MAPK12: variants seen among roughly 807,000 people sequenced by gnomAD.
MAPK12 encodes the protein mitogen-activated protein kinase 12.
In MAPK12, 49 loss-of-function variants were observed where a neutral mutation model predicts 49.1. The ratio of observed to expected loss-of-function variants is 1.00; its 90% CI spans 0.79 to 1.27. The LOEUF is 1.27. Among genes scored for constraint, MAPK12 ranks in the 50% most tolerant of loss-of-function variants. MAPK12 has a pLI of 0.00. For missense variants in MAPK12, 554 were observed against 502.4 expected (o/e 1.10, Z -0.98); for synonymous variants, 251 against 209.7 (o/e 1.20, Z -1.70).
chr22:50,254,961 C>T (rs1248598540), intron 11 of MAPK12: 21 of 1,412,790 alleles, frequency 1.5e-5, no homozygotes, highest in Non-Finnish European at 1.9e-5. Flanking sequence ...CGGCCCCATG[C>T]TGCCCTGACC....
intron 2 of MAPK12, among the ~76,000 whole-genome samples, chr22:50,258,643 C>T (rs538770359): frequency 1.3e-5 from 2 of 152,386 alleles, no homozygotes; most frequent in South Asian, 2.1e-4. Context: ...TTCACCCCAA[C>T]CAAACAGATC....
At chr22:50,261,133 C>A in intron 2 of MAPK12, 34 bp downstream of exon 2, 1 of 1,543,958 alleles carries the variant, frequency 6.5e-7, no homozygotes, top group Non-Finnish European at 8.8e-7. Flanking sequence ...GCCGAGGCCG[C>A]GGCGCCTTCC....
chr22:50,258,161 T>A, intron 3 of MAPK12, 82 bp downstream of exon 3: 1 of 1,352,318 alleles, frequency 7.4e-7, no homozygotes, highest in Non-Finnish European at 1.1e-6. Flanking sequence ...GAGAACCCCA[T>A]TGCCAACCTA....
At chr22:50,260,927 C>G in intron 2 of MAPK12, 1 of 392,896 alleles carries the variant, frequency 2.5e-6, no homozygotes, top group African/African-American at 2.1e-5. Context: ...GGCTGAGGCG[C>G]CGAGTCAAGG....
At chr22:50,256,274 C>A in intron 6 of MAPK12, 75 bp from the exon 7 acceptor site, 1 of 1,176,008 alleles carries the variant, frequency 8.5e-7, no homozygotes, top group East Asian at 2.4e-5. Flanking sequence ...TCCAGGAGAC[C>A]CCGGGGGGTT....
chr22:50,257,494 G>A (rs1434918669), intron 3 of MAPK12: 10 of 522,666 alleles, frequency 1.9e-5, no homozygotes, highest in African/African-American at 1.9e-5. Context: ...AGCGCCCTGC[G>A]TGCCAGGCTA....
intron 5 of MAPK12, 89 bp downstream of exon 5, chr22:50,256,846 G>A (rs1468076256): frequency 1.2e-5 from 19 of 1,556,984 alleles, no homozygotes; most frequent in Non-Finnish European, 1.7e-5. Flanking sequence ...TCAGCACCCA[G>A]ACCCCATCAC....
In MAPK12 at chr22:50,253,494, G is replaced by C; in HGVS notation, c.1025-14C>G. The C allele has an allele frequency of 2.1e-6, 1 of 485,388 alleles. No homozygotes were observed. Among genetic ancestry groups the C allele is most frequent in the South Asian group, 1.6e-5 (1 of 63,004 alleles). The allele number at this position is 485,388 out of a possible 1,614,324, so 30.1% of individuals were successfully genotyped here. On this transcript the variant is annotated splice_polypyrimidine_tract_variant and intron_variant, in intron 11 of 11. Coordinates refer to ENST00000215659, the MANE Select transcript of MAPK12 (RefSeq NM_002969.6). ...TGTAAGTAACACCTGGCGGGGGTGGGGGGGCGGGCACAACAGAGAGGGGGG... is the reference window on the plus strand; with the variant it reads ...TGTAAGTAACACCTGGCGGGGGTGGCGGGGCGGGCACAACAGAGAGGGGGG...
At chr22:50,256,024 G>A (rs1051592745) in intron 7 of MAPK12, 61 bp downstream of exon 7, 40 of 1,542,128 alleles carry the variant, frequency 2.6e-5, no homozygotes, top group Non-Finnish European at 3.3e-5. Context: ...GGCTGTCCGT[G>A]AAGAAGTGGA....
At chr22:50,255,593 C>A in intron 9 of MAPK12, 22 bp downstream of exon 9, 1 of 1,570,228 alleles carries the variant, frequency 6.4e-7, no homozygotes. Context: ...CACCCCCACC[C>A]AGCTCCCCAC....
chr22:50,255,437 C>T lies in MAPK12; in HGVS notation c.850+16G>A. On this transcript the variant is annotated intron_variant, in intron 10 of 11. Transcript: ENST00000215659. ...ACACTCCAGCACCCGGTGGCCCCCA[C>T]ACTAGCCAGCCGTACCCAGAGGGCT... 1 of 1,612,938 alleles carries T rather than the reference C, an allele frequency of 6.2e-7. No individual in the cohort carries two copies. Among genetic ancestry groups the T allele is most frequent in the Non-Finnish European group, 8.5e-7 (1 of 1,180,008 alleles).
chr22:50,258,260 C>A lies in MAPK12; in HGVS notation c.297G>T (p.Leu99=). ...GCACTCACAAGTCCGTGAAGTCATC[C>A]AGGGTCTCATCAGGAGTGAATACGT... ...LLDVFTPDET[L]DDFTDFYLVM... The change falls in exon 3 of 12, where the codon CTG becomes CTT. Residue 99 remains leucine, a synonymous_variant. Transcript: ENST00000215659. The A allele has an allele frequency of 6.2e-7, 1 of 1,613,166 alleles. No homozygotes were observed. Among genetic ancestry groups the A allele is most frequent in the South Asian group, 1.1e-5 (1 of 91,088 alleles).
chr22:50,260,496 T>C (rs1257439258), intron 2 of MAPK12, among the ~76,000 whole-genome samples: 5 of 152,086 alleles, frequency 3.3e-5, no homozygotes, highest in South Asian at 2.1e-4. Context: ...GCCACCGCCA[T>C]GGGAGAGGCC....
chr22:50,253,502 G>GGGGGCCCCCCCCCCCCC, intron 11 of MAPK12, 22 bp from the exon 12 acceptor site: 1 of 171,660 alleles, frequency 5.8e-6, no homozygotes, highest in African/African-American at 6.7e-5. Context: ...GGGGGGGCGG[G>GGGGGCCCCCCCCCCCCC]CACAACAGAG....
Position 50,255,614 on chromosome 22 carries a change from C to G in MAPK12, c.771+1G>C. 6.8e-7 allele frequency: 1 copy of G among 1,474,766 alleles called. No homozygotes were observed. Among genetic ancestry groups the G allele is most frequent in the South Asian group, 1.1e-5 (1 of 88,890 alleles). The allele number at this position is 1,474,766 out of a possible 1,614,324, so 91.4% of individuals were successfully genotyped here. ...CACCCAGCTCCCCACTCACCCCTTA[C>G]CTCATCGCTCTGCAGCCGCTGCACA... is the stretch of plus-strand genomic sequence containing the variant. On this transcript the variant is annotated splice_donor_variant, in intron 9 of 11. Coordinates refer to ENST00000215659, the MANE Select transcript of MAPK12 (RefSeq NM_002969.6). LOFTEE classifies it high-confidence loss of function.
In MAPK12 at chr22:50,261,018, T is replaced by C. The variant is rs1392522941; in HGVS notation, c.255+149A>G. On this transcript the variant is annotated intron_variant, in intron 2 of 11. Transcript: ENST00000215659. Reference sequence around the variant, plus strand: ...TCTCCCAAGGAGAGACAGGCCTTGCTCTCCTTCTCCCCTGGGGACCCACGG... The same window carrying C: ...TCTCCCAAGGAGAGACAGGCCTTGCCCTCCTTCTCCCCTGGGGACCCACGG... 23 of 898,094 alleles carry C rather than the reference T, an allele frequency of 2.6e-5. 1 individual carries two copies. Among genetic ancestry groups the C allele is most frequent in the Non-Finnish European group, 3.4e-5 (22 of 643,366 alleles). 55.6% of individuals were successfully genotyped at this position (898,094 alleles called of 1,614,324 possible).
intron 7 of MAPK12, 39 bp from the exon 8 acceptor site, chr22:50,255,920 A>T: frequency 1.3e-6 from 2 of 1,588,686 alleles, no homozygotes; most frequent in South Asian, 1.1e-5. Flanking sequence ...GGGCAGGGGG[A>T]CAGGATGAGA....
At chr22:50,256,697 C>T in intron 5 of MAPK12, 51 bp from the exon 6 acceptor site, 2 of 1,580,316 alleles carry the variant, frequency 1.3e-6, no homozygotes, top group Non-Finnish European at 1.7e-6. Context: ...CAAGCATGGG[C>T]ACAGCCAAGA....
intron 2 of MAPK12, among the ~76,000 whole-genome samples, chr22:50,259,438 C>G (rs1033454433): frequency 6.6e-6 from 1 of 152,150 alleles, no homozygotes; most frequent in African/African-American, 2.4e-5. Context: ...AGCCTCCTCC[C>G]CCGCTGAGCA....
Sources: gnomAD v4.1 joint callset for allele counts (sites outside exome capture counted in the v4.1 genomes callset) on GRCh38, gnomAD v4.1.1 for gene constraint, MANE v1.5 for transcripts, NCBI Gene and HGNC (gene_info 2026-07-23, HGNC 2026-07-21) for gene names.